PKD1L1: variants seen among roughly 807,000 people sequenced by gnomAD.
PKD1L1 encodes polycystin-1-like protein 1.
In PKD1L1, 236 loss-of-function variants were observed where a neutral mutation model predicts 323.4. That is an observed-to-expected ratio of 0.73 (90% confidence interval 0.66 to 0.81). PKD1L1 has a LOEUF of 0.81. Ranked by LOEUF, PKD1L1 falls within the 40% of genes least tolerant of loss-of-function variation. The pLI is 0.00. For synonymous variants in PKD1L1, 1,344 were observed against 1,335.0 expected (o/e 1.01, Z -0.15); for missense variants, 3,320 against 3,508.0 (o/e 0.95, Z 1.35).
At chr7:47,875,239 A>T (rs1786378787) in intron 23 of PKD1L1, among the ~76,000 whole-genome samples, 1 of 152,234 alleles carries the variant, frequency 6.6e-6, no homozygotes, top group Non-Finnish European at 1.5e-5. Flanking sequence ...ATTTGTATCT[A>T]GAAGAAGGTA....
At chr7:47,872,746 A>G (rs1331466636) in intron 24 of PKD1L1, among the ~76,000 whole-genome samples, 1 of 152,218 alleles carries the variant, frequency 6.6e-6, no homozygotes, top group Non-Finnish European at 1.5e-5. Context: ...TGGGAATACA[A>G]AATGGTGCAG....
At position 47,813,275 on chromosome 7, in the gene PKD1L1, CT is replaced by C; in HGVS notation, c.7191del (p.Ala2398HisfsTer22). ...GTAGGAATAGAGTCTTCGATGAGTG[CT>C]GAAAATGGCCTGGGAGGCTGCAGAA... ...RHLCKPPRPFSALIEDSIPTC... is the reference protein window; with the variant it reads ...RHLCKPPRPFXALIEDSIPTC... On this transcript the variant is annotated frameshift_variant, in exon 49 of 57. Transcript: ENST00000289672. LOFTEE classifies it high-confidence loss of function. The C allele has an allele frequency of 1.2e-6, 2 of 1,614,102 alleles. No individual in the cohort carries two copies. The highest frequency in any genetic ancestry group is 1.7e-6 in the Non-Finnish European group (2 of 1,180,006).
chr7:47,847,468 C>CA (rs1785690070), intron 31 of PKD1L1, among the ~76,000 whole-genome samples: 2 of 152,304 alleles, frequency 1.3e-5, no homozygotes, highest in African/African-American at 4.8e-5. Flanking sequence ...GTTTGTCAGC[C>CA]AGCCTGCGAA....
the PKD1L1 span, among the ~76,000 whole-genome samples, chr7:47,955,577 ACT>A: frequency 1.3e-5 from 2 of 152,330 alleles, 1 homozygote; most frequent in South Asian, 4.1e-4. Context: ...ATATCAGTAC[ACT>A]TTTTTCTGTA....
chr7:47,820,929 A>G, intron 46 of PKD1L1, 147 bp downstream of exon 46: 1 of 571,382 alleles, frequency 1.8e-6, no homozygotes, highest in Non-Finnish European at 3.2e-6. Flanking sequence ...AAAGTCTGTG[A>G]ATGGAAGGGG....
intron 8 of PKD1L1, among the ~76,000 whole-genome samples, chr7:47,912,627 C>T (rs1307523417): frequency 1.3e-5 from 2 of 151,620 alleles, no homozygotes; most frequent in African/African-American, 4.8e-5. Context: ...CCTGGCCTGG[C>T]CTTCATGGTG....
intron 8 of PKD1L1, among the ~76,000 whole-genome samples, chr7:47,911,700 C>T (rs937542462): frequency 7.2e-5 from 11 of 152,028 alleles, no homozygotes; most frequent in Admixed American, 1.3e-4. Flanking sequence ...ACAAAATAGA[C>T]GCAAAAACTG....
At chr7:47,913,314 T>TGAGGAA (rs1787362135) in intron 8 of PKD1L1, among the ~76,000 whole-genome samples, 1 of 151,944 alleles carries the variant, frequency 6.6e-6, no homozygotes, top group South Asian at 2.1e-4. Context: ...AAAAGCTGAG[T>TGAGGAA]GAGGACCGAA....
intron 49 of PKD1L1, 108 bp downstream of exon 49, chr7:47,813,013 G>C: frequency 7.3e-7 from 1 of 1,363,858 alleles, no homozygotes; most frequent in Non-Finnish European, 1.0e-6. Flanking sequence ...GACCTCGCAG[G>C]CCTGTCAGGA....
intron 18 of PKD1L1, among the ~76,000 whole-genome samples, chr7:47,884,928 G>T (rs1195956503): frequency 6.6e-6 from 1 of 152,174 alleles, no homozygotes; most frequent in Non-Finnish European, 1.5e-5. Flanking sequence ...AGTAAGTTGA[G>T]ACCAAGGCTC....
intron 7 of PKD1L1, among the ~76,000 whole-genome samples, chr7:47,927,040 C>T (rs928795751): frequency 6.6e-6 from 1 of 151,890 alleles, no homozygotes. Flanking sequence ...CAAATGCATT[C>T]AATATTTAAA....
chr7:47,958,342 A>G, the PKD1L1 span, among the ~76,000 whole-genome samples: 5 of 152,236 alleles, frequency 3.3e-5, no homozygotes, highest in Non-Finnish European at 5.9e-5. Flanking sequence ...ATTGAAAAGA[A>G]AGTACAGTCT....
chr7:47,864,574 T>TC (rs1191750507), intron 26 of PKD1L1, among the ~76,000 whole-genome samples: 29 of 150,886 alleles, frequency 1.9e-4, no homozygotes, highest in Admixed American at 6.0e-4. Context: ...TCTTTTTCTT[T>TC]CTTTTCTTTC....
chr7:47,825,573 T>C (rs1406120612), intron 45 of PKD1L1, among the ~76,000 whole-genome samples: 1 of 152,110 alleles, frequency 6.6e-6, no homozygotes, highest in Non-Finnish European at 1.5e-5. Context: ...GTTACAAGTA[T>C]TTTTTCCTAG....
chr7:47,865,390 G>C, intron 25 of PKD1L1, 118 bp from the exon 26 acceptor site: 2 of 852,304 alleles, frequency 2.3e-6, no homozygotes, highest in Non-Finnish European at 3.7e-6. Context: ...CTGCTTTTTG[G>C]CCAAAAGACC....
At chr7:47,935,312 C>G (rs1325494900) in intron 4 of PKD1L1, among the ~76,000 whole-genome samples, 30 of 152,094 alleles carry the variant, frequency 2.0e-4, no homozygotes, top group Non-Finnish European at 4.4e-5. Flanking sequence ...CAGTAGAATC[C>G]AAAAGAAGTA....
upstream of PKD1L1, among the ~76,000 whole-genome samples, chr7:47,950,992 A>G (rs1256095554): frequency 6.6e-6 from 1 of 152,228 alleles, no homozygotes; most frequent in Non-Finnish European, 1.5e-5. Flanking sequence ...CAGGGAGCAC[A>G]ACACAGAACC....
At chr7:47,903,538 A>T (rs566681631) in intron 12 of PKD1L1, among the ~76,000 whole-genome samples, 1 of 152,184 alleles carries the variant, frequency 6.6e-6, no homozygotes, top group Non-Finnish European at 1.5e-5. Context: ...TCCTGAATCC[A>T]TAGTTAGTGA....
At chr7:47,850,683 T>C (rs1002135800) in intron 31 of PKD1L1, among the ~76,000 whole-genome samples, 1 of 144,328 alleles carries the variant, frequency 6.9e-6, no homozygotes, top group Non-Finnish European at 1.5e-5. Context: ...ATTAAGTACA[T>C]GCAAAAAAGT....
Sources: allele counts gnomAD v4.1 joint callset (sites outside exome capture counted in the v4.1 genomes callset), GRCh38; gene constraint gnomAD v4.1.1; transcripts MANE v1.5; gene names NCBI Gene and HGNC (gene_info 2026-07-23, HGNC 2026-07-21).